The following TMEM74 variants were observed in gnomAD, a reference collection of about 807,000 sequenced individuals.
The protein encoded by TMEM74 is transmembrane protein 74.
In TMEM74, 13 loss-of-function variants were observed where a neutral mutation model predicts 18.1. That is an observed-to-expected ratio of 0.72 (90% CI 0.47 to 1.14). TMEM74 has a LOEUF of 1.14. Among genes scored for constraint, TMEM74 ranks in the 50% most tolerant of loss-of-function variants. The pLI is 0.00. For synonymous variants in TMEM74, 159 were observed against 146.6 expected (o/e 1.08, Z -0.61); for missense variants, 372 against 375.9 (o/e 0.99, Z 0.09).
chr8:108,647,499 C>T (rs1009510266), intron 2 of TMEM74, among the ~76,000 whole-genome samples: 1 of 151,362 alleles, frequency 6.6e-6, no homozygotes, highest in Non-Finnish European at 1.5e-5. Flanking sequence ...TTTAGCTGAT[C>T]AATGAAAGGC....
intron 1 of TMEM74, among the ~76,000 whole-genome samples, chr8:108,749,921 G>A (rs1563541982): frequency 6.6e-6 from 1 of 152,036 alleles, no homozygotes. Context: ...CTGAAAAGTA[G>A]GTAGTCTGTC....
intron 1 of TMEM74, among the ~76,000 whole-genome samples, chr8:108,660,960 A>G (rs1224520706): frequency 3.9e-5 from 6 of 152,162 alleles, no homozygotes. Context: ...AAGGGAGGTT[A>G]GGATCCATCC....
At chr8:108,735,384 C>A (rs1813737831) in intron 1 of TMEM74, among the ~76,000 whole-genome samples, 1 of 150,546 alleles carries the variant, frequency 6.6e-6, no homozygotes, top group Non-Finnish European at 1.5e-5. Context: ...CACTCCTCAG[C>A]CCTGAGCATC....
chr8:108,658,491 T>C (rs1157637461), intron 1 of TMEM74, among the ~76,000 whole-genome samples: 1 of 152,132 alleles, frequency 6.6e-6, no homozygotes, highest in East Asian at 1.9e-4. Flanking sequence ...TGGGATACTC[T>C]TACCCAATTT....
chr8:108,701,182 C>T (rs1813331426), intron 1 of TMEM74, among the ~76,000 whole-genome samples: 1 of 145,424 alleles, frequency 6.9e-6, no homozygotes, highest in Non-Finnish European at 1.5e-5. Context: ...CAAAATCCAA[C>T]ACCCATTCAT....
At chr8:108,625,883 T>C (rs1207342712) in intron 2 of TMEM74, among the ~76,000 whole-genome samples, 2 of 151,970 alleles carry the variant, frequency 1.3e-5, no homozygotes, top group African/African-American at 4.8e-5. Flanking sequence ...ATTCCTTAAA[T>C]ACAGGAACAG....
chr8:108,735,518 A>G (rs184269015), intron 1 of TMEM74, among the ~76,000 whole-genome samples: 23 of 152,342 alleles, frequency 1.5e-4, no homozygotes, highest in Admixed American at 1.4e-3. Context: ...AGGTTCCTGC[A>G]TGTTGTAGAA....
intron 2 of TMEM74, among the ~76,000 whole-genome samples, chr8:108,641,470 T>G (rs964674807): frequency 3.9e-5 from 6 of 152,176 alleles, no homozygotes; most frequent in African/African-American, 9.6e-5. Flanking sequence ...CTTCTCATTT[T>G]GCACTGTGTG....
chr8:108,721,558 A>G (rs1254014457), intron 1 of TMEM74, among the ~76,000 whole-genome samples: 5 of 152,064 alleles, frequency 3.3e-5, no homozygotes, highest in Non-Finnish European at 7.4e-5. Context: ...GATCTTTTCT[A>G]TTTTCTCCTC....
intron 1 of TMEM74, among the ~76,000 whole-genome samples, chr8:108,726,461 A>T (rs913089434): frequency 5.9e-5 from 9 of 152,344 alleles, no homozygotes; most frequent in African/African-American, 1.9e-4. Flanking sequence ...AGAAGAAACT[A>T]AAGAATGATT....
intron 1 of TMEM74, among the ~76,000 whole-genome samples, chr8:108,681,723 A>T (rs565930024): frequency 2.9e-4 from 44 of 152,182 alleles, no homozygotes; most frequent in Non-Finnish European, 5.7e-4. Context: ...TGGGGTGAAG[A>T]AAATGTTCTG....
intron 1 of TMEM74, among the ~76,000 whole-genome samples, chr8:108,680,854 C>A (rs1273669202): frequency 6.6e-6 from 1 of 152,170 alleles, no homozygotes; most frequent in Non-Finnish European, 1.5e-5. Context: ...AAATCACAAG[C>A]ATTCTTATAC....
At chr8:108,642,060 C>T (rs1266736430) in intron 2 of TMEM74, among the ~76,000 whole-genome samples, 1 of 151,936 alleles carries the variant, frequency 6.6e-6, no homozygotes, top group Non-Finnish European at 1.5e-5. Flanking sequence ...TTCAAATGAA[C>T]ATGATCTGTA....
chr8:108,732,462 T>C (rs1176426370), intron 1 of TMEM74, among the ~76,000 whole-genome samples: 1 of 152,152 alleles, frequency 6.6e-6, no homozygotes, highest in Non-Finnish European at 1.5e-5. Flanking sequence ...CAAAAAATTG[T>C]TTAACAAAGA....
At chr8:108,759,534 T>C (rs367934104) in intron 1 of TMEM74, among the ~76,000 whole-genome samples, 2 of 152,072 alleles carry the variant, frequency 1.3e-5, no homozygotes, top group African/African-American at 4.8e-5. Flanking sequence ...AAAGTGAATA[T>C]GCAAAATGAA....
rs150527147 is a variant in TMEM74 at position 108,711,151 on chromosome 8, T to C, written n.120-55714A>G. Among the ~76,000 whole-genome samples the C allele has an allele frequency of 1.6e-3, 244 of 152,338 alleles. 1 individual carries two copies. The highest frequency in any genetic ancestry group is 5.6e-3 in the African/African-American group (234 of 41,588). The stretch of plus-strand genomic sequence containing the variant: ...CTGGAAGTTGAGCTAGTGACTCTAA[T>C]ATACCACAATCCTTTTCATCCTCAT... On this transcript the variant is annotated intron_variant and non_coding_transcript_variant, in intron 1 of 3. Coordinates refer to the TMEM74 transcript ENST00000518838.
intron 1 of TMEM74, among the ~76,000 whole-genome samples, chr8:108,676,560 C>G (rs1376869048): frequency 6.6e-6 from 1 of 152,200 alleles, no homozygotes; most frequent in Non-Finnish European, 1.5e-5. Context: ...ATAATCCTAT[C>G]TAAAATTTCA....
chr8:108,656,333 G>A (rs1217823512), intron 1 of TMEM74, among the ~76,000 whole-genome samples: 8 of 152,062 alleles, frequency 5.3e-5, no homozygotes, highest in African/African-American at 1.9e-4. Flanking sequence ...GCTCATAATC[G>A]GGAAGCTCAT....
chr8:108,636,872 C>G (rs961301675), intron 2 of TMEM74, among the ~76,000 whole-genome samples: 1 of 150,208 alleles, frequency 6.7e-6, no homozygotes, highest in Non-Finnish European at 1.5e-5. Flanking sequence ...GGGTTCACCC[C>G]TCCTCAAAGA....
Sources: gnomAD v4.1 joint callset for allele counts (sites outside exome capture counted in the v4.1 genomes callset) on GRCh38, gnomAD v4.1.1 for gene constraint, MANE v1.5 for transcripts, NCBI Gene and HGNC (gene_info 2026-07-23, HGNC 2026-07-21) for gene names.